The following PTK2 variants were observed in gnomAD, a reference collection of about 807,000 sequenced individuals.
PTK2 encodes protein tyrosine kinase 2, also known as focal adhesion kinase 1.
PTK2 carries 45 observed loss-of-function variants against 150.1 expected under a neutral mutation model. That is an observed-to-expected ratio of 0.30 (90% CI 0.24 to 0.38). The LOEUF is 0.38. Ranked by LOEUF, PTK2 falls within the 10% of genes least tolerant of loss-of-function variation. The pLI, the probability that PTK2 is intolerant of heterozygous loss-of-function variation, is 1.00. For missense variants in PTK2, 919 were observed against 1,307.3 expected, an observed-to-expected ratio of 0.70 and a Z score of 4.58; for synonymous variants, 432 against 449.2, an observed-to-expected ratio of 0.96 and a Z score of 0.48.
chr8:140,690,917 G>A (rs917209812), intron 26 of PTK2, among the ~76,000 whole-genome samples: 19 of 152,216 alleles, frequency 1.2e-4, no homozygotes, highest in African/African-American at 4.1e-4. Flanking sequence ...CAAGCTGTGT[G>A]ACCTGGGCCT....
intron 14 of PTK2, among the ~76,000 whole-genome samples, chr8:140,784,023 C>T (rs1336414400): frequency 2.6e-5 from 4 of 152,032 alleles, no homozygotes; most frequent in South Asian, 2.1e-4. Flanking sequence ...ACTAGCTAGG[C>T]GTGGTGGTGC....
At chr8:140,959,249 G>A (rs2100182233) in intron 1 of PTK2, among the ~76,000 whole-genome samples, 1 of 151,996 alleles carries the variant, frequency 6.6e-6, no homozygotes, top group South Asian at 2.1e-4. Context: ...AACAAAAGTA[G>A]GCCGGGCGCA....
chr8:140,943,091 G>T (rs530306785), intron 1 of PTK2, among the ~76,000 whole-genome samples: 1 of 152,060 alleles, frequency 6.6e-6, no homozygotes, highest in African/African-American at 2.4e-5. Context: ...ACAGTGAGCC[G>T]ATTAAACCTC....
At chr8:140,990,109 G>C (rs1187414836) in intron 1 of PTK2, among the ~76,000 whole-genome samples, 1 of 151,978 alleles carries the variant, frequency 6.6e-6, no homozygotes, top group African/African-American at 2.4e-5. Flanking sequence ...AGTAACAGAA[G>C]AATCACTTAT....
At chr8:140,857,528 C>T (rs2100133441) in intron 5 of PTK2, among the ~76,000 whole-genome samples, 1 of 152,170 alleles carries the variant, frequency 6.6e-6, no homozygotes, top group Non-Finnish European at 1.5e-5. Flanking sequence ...ATTCTGGATG[C>T]ATTATAACAA....
intron 27 of PTK2, among the ~76,000 whole-genome samples, chr8:140,683,101 A>T (rs2100017965): frequency 6.6e-6 from 1 of 152,162 alleles, no homozygotes; most frequent in Non-Finnish European, 1.5e-5. Context: ...ATGACTGATC[A>T]CTAGCTAGAC....
chr8:140,662,662 C>T (rs1255040459), intron 31 of PTK2: 1 of 553,736 alleles, frequency 1.8e-6, no homozygotes. Context: ...GAATCACCAA[C>T]AGGAGTTGTG....
At chr8:140,779,104 T>G (rs2100080170) in intron 14 of PTK2, among the ~76,000 whole-genome samples, 1 of 150,802 alleles carries the variant, frequency 6.6e-6, no homozygotes, top group South Asian at 2.1e-4. Flanking sequence ...CTACTAAAAA[T>G]AAAAAAAATT....
At chr8:140,995,985 C>T (rs1314934107) in intron 1 of PTK2, among the ~76,000 whole-genome samples, 1 of 151,944 alleles carries the variant, frequency 6.6e-6, no homozygotes, top group South Asian at 2.1e-4. Context: ...CTCAGTAGGC[C>T]GACACCCGAG....
intron 4 of PTK2, among the ~76,000 whole-genome samples, chr8:140,871,975 A>G (rs1325046469): frequency 6.6e-6 from 1 of 152,068 alleles, no homozygotes; most frequent in Non-Finnish European, 1.5e-5. Flanking sequence ...TTGGGAGGCC[A>G]AGGTGGGCAG....
chr8:140,662,442 A>T lies in PTK2; in HGVS notation c.2946+2475T>A, dbSNP rs115686052. On this transcript the variant is annotated intron_variant, in intron 31 of 31. Coordinates refer to ENST00000522684, the Ensembl canonical transcript of PTK2. ...AGTCCCACTAAAATATCCACTTGGT[A>T]GGACACCATTTTCTTGCCTCTAGCA... 3.8e-3 allele frequency among the ~76,000 whole-genome samples: 583 copies of T among 152,332 alleles called. 5 individuals carry two copies. Among genetic ancestry groups the T allele is most frequent in the African/African-American group, 0.013 (557 of 41,574 alleles).
In PTK2 at chr8:140,687,365, C is replaced by T. The variant is rs929127439; in HGVS notation, c.2500-671G>A. 3.9e-5 allele frequency among the ~76,000 whole-genome samples: 6 copies of T among 152,112 alleles called. No homozygotes were observed. The East Asian group carries it at 5.8e-4, about 15-fold the overall frequency. ...TGAACACTGGCCACATACTTCTTCCCGGAAAACTTCTGTTCACTCTTCAAG... is the reference window on the plus strand; with the variant it reads ...TGAACACTGGCCACATACTTCTTCCTGGAAAACTTCTGTTCACTCTTCAAG... On this transcript the variant is annotated intron_variant, in intron 26 of 31. Coordinates refer to ENST00000522684, the Ensembl canonical transcript of PTK2.
At chr8:140,686,545 G>T in intron 27 of PTK2, 87 bp downstream of exon 30, 1 of 1,049,342 alleles carries the variant, frequency 9.5e-7, no homozygotes, top group South Asian at 1.4e-5. Flanking sequence ...ACAAATATTA[G>T]TAAACTTGGA....
chr8:140,915,799 G>A (rs2100165012), intron 2 of PTK2, among the ~76,000 whole-genome samples: 1 of 152,146 alleles, frequency 6.6e-6, no homozygotes, highest in Non-Finnish European at 1.5e-5. Flanking sequence ...CTACTTGGGA[G>A]GCTGAGGCAG....
chr8:140,785,571 T>A (rs576701801), intron 14 of PTK2, among the ~76,000 whole-genome samples: 1 of 152,184 alleles, frequency 6.6e-6, no homozygotes, highest in South Asian at 2.1e-4. Context: ...TAAGAACTCT[T>A]TGGTTGTGAA....
At chr8:140,883,136 C>A (rs1021214210) in intron 3 of PTK2, among the ~76,000 whole-genome samples, 1 of 152,182 alleles carries the variant, frequency 6.6e-6, no homozygotes, top group South Asian at 2.1e-4. Flanking sequence ...ATGACCTTCA[C>A]CACTGTTCGA....
rs559540623 is a variant in PTK2, at chr8:140,838,987, AGAGT to A, written c.593+7269_593+7272del. Among the ~76,000 whole-genome samples, 587 of 151,626 alleles carry A rather than the reference AGAGT, an allele frequency of 3.9e-3. 9 individuals carry two copies. The highest frequency in any genetic ancestry group is 0.014 in the African/African-American group (561 of 41,370). ...CGCCACTGCACTCCAGCCTGGGCACAGAGTGAGACTCCGTCTCAAAAAAAAAAAC... is the reference window on the plus strand; with the variant it reads ...CGCCACTGCACTCCAGCCTGGGCACAGAGACTCCGTCTCAAAAAAAAAAAC... On this transcript the variant is annotated intron_variant, in intron 7 of 31. Coordinates refer to ENST00000522684, the Ensembl canonical transcript of PTK2.
chr8:140,934,285 G>A (rs1569173066), intron 1 of PTK2, among the ~76,000 whole-genome samples: 1 of 152,118 alleles, frequency 6.6e-6, no homozygotes, highest in Non-Finnish European at 1.5e-5. Flanking sequence ...TCATGCGCCT[G>A]TAGTCCCAGC....
At chr8:140,735,170 C>A (rs1334154414) in intron 22 of PTK2, 81 bp downstream of exon 25, 1 of 1,337,676 alleles carries the variant, frequency 7.5e-7, no homozygotes, top group Non-Finnish European at 1.1e-6. Context: ...GATATAATGA[C>A]CTTAAAATGC....
Sources: allele counts gnomAD v4.1 joint callset (sites outside exome capture counted in the v4.1 genomes callset), GRCh38; gene constraint gnomAD v4.1.1; transcripts MANE v1.5; gene names NCBI Gene and HGNC (gene_info 2026-07-23, HGNC 2026-07-21).